CDYL: variants seen among roughly 807,000 people sequenced by gnomAD.
The protein encoded by CDYL is chromodomain Y like.
Under a neutral mutation model 47.3 loss-of-function variants are expected in CDYL, and 8 were observed. The observed-to-expected ratio is 0.17, with a 90% confidence interval of 0.10 to 0.31. The LOEUF (loss-of-function observed/expected upper bound fraction) is 0.31, where lower values mean the gene tolerates loss of function less well. Ranked by LOEUF, CDYL falls within the 10% of genes least tolerant of loss-of-function variation. CDYL has a pLI of 1.00. For synonymous variants in CDYL, 266 were observed against 265.0 expected, an observed-to-expected ratio of 1.00 and a Z score of -0.04; for missense variants, 471 against 701.4, an observed-to-expected ratio of 0.67 and a Z score of 3.71.
chr6:4,823,593 G>T (rs1242134189), intron 1 of CDYL, among the ~76,000 whole-genome samples: 1 of 151,782 alleles, frequency 6.6e-6, no homozygotes, highest in Non-Finnish European at 1.5e-5. Flanking sequence ...CAGAAACTTT[G>T]TAACCGTAAA....
chr6:4,707,582 C>T (rs1757070178), intron 1 of CDYL, among the ~76,000 whole-genome samples: 1 of 152,152 alleles, frequency 6.6e-6, no homozygotes, highest in Non-Finnish European at 1.5e-5. Flanking sequence ...GTCTGTTAAA[C>T]TGTTTACTGT....
chr6:4,763,447 AT>A (rs1270029705), intron 3 of CDYL, among the ~76,000 whole-genome samples: 1 of 152,188 alleles, frequency 6.6e-6, no homozygotes, highest in Non-Finnish European at 1.5e-5. Context: ...GGAATATAGA[AT>A]TAGTGGTGTT....
chr6:4,874,314 C>T (rs993158029), intron 1 of CDYL, among the ~76,000 whole-genome samples: 9 of 151,980 alleles, frequency 5.9e-5, no homozygotes, highest in African/African-American at 2.2e-4. Context: ...AGTTTTATTT[C>T]ATAGCGTTTC....
chr6:4,917,763 A>G (rs1221770342), intron 2 of CDYL, among the ~76,000 whole-genome samples: 1 of 152,062 alleles, frequency 6.6e-6, no homozygotes. Flanking sequence ...AGGTTGAAGT[A>G]GACATGATGA....
intron 3 of CDYL, among the ~76,000 whole-genome samples, chr6:4,744,253 G>C (rs1757849149): frequency 6.6e-6 from 1 of 152,214 alleles, no homozygotes; most frequent in African/African-American, 2.4e-5. Flanking sequence ...AGCACTCTGG[G>C]AGGCTGAGGT....
chr6:4,748,091 A>G (rs2127419077), intron 3 of CDYL, among the ~76,000 whole-genome samples: 1 of 152,308 alleles, frequency 6.6e-6, no homozygotes, highest in South Asian at 2.1e-4. Context: ...CGACACACCA[A>G]GTCACACTGG....
intron 3 of CDYL, among the ~76,000 whole-genome samples, chr6:4,755,683 C>T (rs17138816): frequency 0.012 from 1,770 of 152,270 alleles, 42 homozygotes; most frequent in African/African-American, 0.041. Context: ...CTACATACTA[C>T]AACGGCTGCT....
At chr6:4,794,632 C>G (rs1346934653) in intron 1 of CDYL, among the ~76,000 whole-genome samples, 1 of 152,100 alleles carries the variant, frequency 6.6e-6, no homozygotes, top group African/African-American at 2.4e-5. Flanking sequence ...GGAATGATTT[C>G]CTGAGATGGC....
At chr6:4,739,964 G>C (rs1434930838) in intron 3 of CDYL, among the ~76,000 whole-genome samples, 1 of 143,868 alleles carries the variant, frequency 7.0e-6, no homozygotes, top group African/African-American at 2.6e-5. Context: ...AAAACAAAAA[G>C]AAAAAAAAAA....
rs534939778 is a variant in CDYL at position 4,732,942 on chromosome 6, A to T, written c.104-1820A>T. On this transcript the variant is annotated intron_variant, in intron 2 of 8. Coordinates refer to the CDYL transcript ENST00000328908. ...GAGTGGGAGAGAGCGGAACAGTGAA[A>T]GCTACTTCGGATCCTCCAAGAAACG... Among the ~76,000 whole-genome samples the T allele has an allele frequency of 5.9e-5, 9 of 152,226 alleles. No individual in the cohort carries two copies. The East Asian group carries it at 1.7e-3, about 29-fold the overall frequency.
chr6:4,937,480 A>T, intron 3 of CDYL, 85 bp from the exon 4 acceptor site: 1 of 1,092,560 alleles, frequency 9.2e-7, no homozygotes, highest in Non-Finnish European at 1.3e-6. Flanking sequence ...TGAGCAACAG[A>T]GTGAGACTCT....
intron 1 of CDYL, among the ~76,000 whole-genome samples, chr6:4,813,458 T>C (rs555100071): frequency 1.3e-5 from 2 of 152,386 alleles, no homozygotes; most frequent in South Asian, 2.1e-4. Context: ...CTGTATCTAA[T>C]GATGGTAGTG....
At chr6:4,949,996 G>A (rs1758647607) in intron 5 of CDYL, among the ~76,000 whole-genome samples, 1 of 152,116 alleles carries the variant, frequency 6.6e-6, no homozygotes, top group Non-Finnish European at 1.5e-5. Context: ...GGATCTCCAG[G>A]GATGAGCAGG....
intron 2 of CDYL, among the ~76,000 whole-genome samples, chr6:4,915,381 T>C (rs1757528379): frequency 6.6e-6 from 1 of 152,178 alleles, no homozygotes; most frequent in Non-Finnish European, 1.5e-5. Flanking sequence ...GACATTAGAA[T>C]TGTAAACCAA....
intron 2 of CDYL, among the ~76,000 whole-genome samples, chr6:4,894,172 C>T (rs564813254): frequency 1.2e-4 from 18 of 152,272 alleles, no homozygotes; most frequent in African/African-American, 4.3e-4. Flanking sequence ...TTAGGGAAGT[C>T]GAGTCCAGAG....
At chr6:4,899,249 T>C (rs1221112768) in intron 2 of CDYL, among the ~76,000 whole-genome samples, 1 of 152,238 alleles carries the variant, frequency 6.6e-6, no homozygotes, top group Non-Finnish European at 1.5e-5. Flanking sequence ...GCGTTCCCTC[T>C]ATCCTCTTAG....
At chr6:4,737,147 A>G (rs1340496580) in intron 3 of CDYL, among the ~76,000 whole-genome samples, 3 of 152,208 alleles carry the variant, frequency 2.0e-5, no homozygotes, top group Non-Finnish European at 2.9e-5. Context: ...ATCTTTTTAT[A>G]TGATGAAAAA....
intron 2 of CDYL, among the ~76,000 whole-genome samples, chr6:4,717,568 T>C (rs545301787): frequency 6.6e-6 from 1 of 151,786 alleles, no homozygotes; most frequent in South Asian, 2.1e-4. Context: ...CACAGTGGCA[T>C]GTGCCTGTAG....
chr6:4,943,346 C>T (rs1213281041), intron 4 of CDYL, among the ~76,000 whole-genome samples, 200 bp from the exon 5 acceptor site: 1 of 152,114 alleles, frequency 6.6e-6, no homozygotes, highest in East Asian at 1.9e-4. Context: ...CATGCGTGGG[C>T]TCCAGGCTGT....
Sources: allele counts gnomAD v4.1 joint callset (sites outside exome capture counted in the v4.1 genomes callset), GRCh38; gene constraint gnomAD v4.1.1; transcripts MANE v1.5; gene names NCBI Gene and HGNC (gene_info 2026-07-23, HGNC 2026-07-21).